RANBP2: variants seen among roughly 807,000 people sequenced by gnomAD.
RANBP2 encodes the protein E3 SUMO-protein ligase RanBP2.
RANBP2 carries 57 observed loss-of-function variants against 303.6 expected under a neutral mutation model. The ratio of observed to expected loss-of-function variants is 0.19; its 90% CI spans 0.15 to 0.23. The LOEUF (loss-of-function observed/expected upper bound fraction) is 0.23, where lower values mean the gene tolerates loss of function less well. Ranked by LOEUF, RANBP2 falls within the 10% of genes least tolerant of loss-of-function variation. RANBP2 has a pLI of 1.00. For synonymous variants in RANBP2, 1,167 were observed against 1,301.5 expected, an observed-to-expected ratio of 0.90 and a Z score of 2.23; for missense variants, 3,138 against 3,780.8, an observed-to-expected ratio of 0.83 and a Z score of 4.46.
At chr2:108,844,813 T>A in the RANBP2 span, among the ~76,000 whole-genome samples, 1 of 151,208 alleles carries the variant, frequency 6.6e-6, no homozygotes, top group African/African-American at 2.4e-5. Flanking sequence ...AGTGGCACGA[T>A]CTCGGCTCAC....
chr2:109,071,195 G>T, the RANBP2 span, among the ~76,000 whole-genome samples: 1 of 152,254 alleles, frequency 6.6e-6, no homozygotes, highest in Non-Finnish European at 1.5e-5. Context: ...AGAAAAGTAG[G>T]CCTTGCTGAT....
At chr2:109,101,061 G>C in the RANBP2 span, among the ~76,000 whole-genome samples, 1 of 152,094 alleles carries the variant, frequency 6.6e-6, no homozygotes, top group Non-Finnish European at 1.5e-5. Context: ...TAACTGCCTG[G>C]GTTCAGAGTC....
chr2:109,720,535 T>A, the RANBP2 span, among the ~76,000 whole-genome samples: 1 of 152,162 alleles, frequency 6.6e-6, no homozygotes, highest in Non-Finnish European at 1.5e-5. Context: ...ATGCACCATG[T>A]GGGGCTGAGA....
chr2:109,691,058 C>T, the RANBP2 span, among the ~76,000 whole-genome samples: 1 of 152,188 alleles, frequency 6.6e-6, no homozygotes, highest in Non-Finnish European at 1.5e-5. Flanking sequence ...AAGGCAGGTT[C>T]TTTACAAATG....
At chr2:109,717,497 G>A in the RANBP2 span, among the ~76,000 whole-genome samples, 25,143 of 151,818 alleles carry the variant, frequency 0.17, 2,600 homozygotes, top group East Asian at 0.3. Flanking sequence ...CAGGAGAATC[G>A]CTTGAACCCG....
chr2:109,541,117 A>G, the RANBP2 span, among the ~76,000 whole-genome samples: 1 of 152,196 alleles, frequency 6.6e-6, no homozygotes, highest in African/African-American at 2.4e-5. Flanking sequence ...CCTGGAAGTT[A>G]CACACATCAC....
At chr2:108,902,403 A>G in the RANBP2 span, among the ~76,000 whole-genome samples, 1 of 151,900 alleles carries the variant, frequency 6.6e-6, no homozygotes, top group East Asian at 1.9e-4. Context: ...AAACAAAAAA[A>G]CCTCCCCAAA....
At chr2:109,564,655 TTTGA>T in the RANBP2 span, 4 of 840,774 alleles carry the variant, frequency 4.8e-6, no homozygotes, top group African/African-American at 1.7e-5. Flanking sequence ...AAATGATCAG[TTTGA>T]TTAACAGCTA....
the RANBP2 span, among the ~76,000 whole-genome samples, chr2:109,554,409 C>T: frequency 6.6e-6 from 1 of 152,156 alleles, no homozygotes; most frequent in Admixed American, 6.5e-5. Context: ...ATTCATTCTC[C>T]AACCTGCTTA....
At chr2:109,688,385 C>T in the RANBP2 span, among the ~76,000 whole-genome samples, 1 of 152,154 alleles carries the variant, frequency 6.6e-6, no homozygotes, top group Non-Finnish European at 1.5e-5. Context: ...CCTTCCTGGG[C>T]ACACTCTCAG....
chr2:109,449,382 A>C, the RANBP2 span: 10 of 1,611,820 alleles, frequency 6.2e-6, no homozygotes, highest in Non-Finnish European at 8.5e-6. Flanking sequence ...TCCCAACGTC[A>C]GTGCCGCAAA....
intron 26 of RANBP2, 48 bp from the exon 27 acceptor site, chr2:108,782,080 A>G: frequency 6.3e-7 from 1 of 1,589,596 alleles, no homozygotes; most frequent in Non-Finnish European, 8.5e-7. Flanking sequence ...TTTGTCATGG[A>G]ATTTATTATA....
At chr2:108,829,413 A>G in the RANBP2 span, among the ~76,000 whole-genome samples, 760 of 152,362 alleles carry the variant, frequency 5.0e-3, 4 homozygotes, top group South Asian at 0.021. Context: ...CTAAGGAAAT[A>G]CAAAACCACA....
the RANBP2 span, among the ~76,000 whole-genome samples, chr2:109,525,059 C>T: frequency 7.3e-5 from 11 of 150,488 alleles, no homozygotes; most frequent in African/African-American, 2.7e-4. Context: ...CCATGGTGGG[C>T]ATTTAGGCTC....
chr2:109,227,800 C>T, the RANBP2 span, among the ~76,000 whole-genome samples: 2 of 152,360 alleles, frequency 1.3e-5, no homozygotes, highest in South Asian at 4.1e-4. Flanking sequence ...CTGGAGTCAA[C>T]ACTTCCTTTC....
chr2:109,325,282 A>AT, the RANBP2 span, among the ~76,000 whole-genome samples: 1 of 145,760 alleles, frequency 6.9e-6, no homozygotes, highest in African/African-American at 2.5e-5. Flanking sequence ...GAATCCCAGG[A>AT]GTCATTGGAT....
chr2:108,822,358 A>G, the RANBP2 span, among the ~76,000 whole-genome samples: 4 of 152,212 alleles, frequency 2.6e-5, no homozygotes, highest in African/African-American at 9.6e-5. Context: ...CTACTAGGAA[A>G]CTTCAATACC....
At chr2:109,653,542 T>C in the RANBP2 span, among the ~76,000 whole-genome samples, 3 of 152,134 alleles carry the variant, frequency 2.0e-5, no homozygotes, top group Non-Finnish European at 4.4e-5. Flanking sequence ...AAGCCCATTT[T>C]ATAGGAATCT....
the RANBP2 span, among the ~76,000 whole-genome samples, chr2:109,463,370 C>T: frequency 6.6e-6 from 1 of 152,208 alleles, no homozygotes; most frequent in African/African-American, 2.4e-5. Context: ...CCATGTGGGC[C>T]CTGCCCCCCT....
Sources: gnomAD v4.1 joint callset for allele counts (sites outside exome capture counted in the v4.1 genomes callset) on GRCh38, gnomAD v4.1.1 for gene constraint, MANE v1.5 for transcripts, NCBI Gene and HGNC (gene_info 2026-07-23, HGNC 2026-07-21) for gene names.